The following FAM228B variants were observed in gnomAD, a reference collection of about 807,000 sequenced individuals.
The protein encoded by FAM228B is family with sequence similarity 228 member B.
FAM228B carries 38 observed loss-of-function variants against 42.6 expected under a neutral mutation model. The ratio of observed to expected loss-of-function variants is 0.89; its 90% CI spans 0.69 to 1.17. The LOEUF is 1.17. Among genes scored for constraint, FAM228B ranks in the 50% most tolerant of loss-of-function variants. The pLI is 0.00. For missense variants in FAM228B, 344 were observed against 367.3 expected (o/e 0.94, Z 0.52); for synonymous variants, 109 against 122.3 (o/e 0.89, Z 0.72).
intron 5 of FAM228B, among the ~76,000 whole-genome samples, chr2:24,145,612 A>G (rs1318561071): frequency 6.6e-6 from 1 of 152,210 alleles, no homozygotes; most frequent in African/African-American, 2.4e-5. Context: ...ACTCTCCAGC[A>G]GCAGAGTCCA....
intron 7 of FAM228B, among the ~76,000 whole-genome samples, chr2:24,157,502 C>T (rs1290920369): frequency 2.0e-5 from 3 of 152,058 alleles, no homozygotes; most frequent in Admixed American, 6.5e-5. Context: ...CTCTGGGAGG[C>T]TGAGGCGGGT....
At chr2:24,129,267 T>C (rs910326771) in intron 2 of FAM228B, among the ~76,000 whole-genome samples, 2 of 152,064 alleles carry the variant, frequency 1.3e-5, no homozygotes, top group African/African-American at 2.4e-5. Flanking sequence ...CTTTGCCTGA[T>C]GTTCGATATC....
chr2:24,143,401 A>G (rs35256248), intron 5 of FAM228B, among the ~76,000 whole-genome samples: 17,572 of 152,132 alleles, frequency 0.12, 1,159 homozygotes, highest in Non-Finnish European at 0.14. Context: ...TCATCGTGTT[A>G]GCCAGGATGG....
intron 7 of FAM228B, among the ~76,000 whole-genome samples, chr2:24,155,531 A>ATATATATTTT (rs1558393367): frequency 1.5e-4 from 2 of 13,042 alleles, no homozygotes; most frequent in Non-Finnish European, 3.2e-4. Context: ...ATATATATAT[A>ATATATATTTT]TTTTTTTTTT....
At chr2:24,156,647 A>T (rs1667153922) in intron 7 of FAM228B, among the ~76,000 whole-genome samples, 1 of 152,028 alleles carries the variant, frequency 6.6e-6, no homozygotes, top group Admixed American at 6.6e-5. Context: ...AAATAATAAA[A>T]ATAATAATAA....
chr2:24,124,446 C>CT lies in FAM228B; in HGVS notation c.88dup (p.Cys30LeufsTer8). 6.5e-7 allele frequency: 1 copy of CT among 1,549,650 alleles called. No homozygotes were observed. Among genetic ancestry groups the CT allele is most frequent in the East Asian group, 2.4e-5 (1 of 40,880 alleles). On this transcript the variant is annotated frameshift_variant, in exon 2 of 11. Transcript: ENST00000615575. LOFTEE classifies it high-confidence loss of function. Reference sequence around the variant, plus strand: ...AAAAGAATGGTTGGAGCCCAAGCCCCTTTGTTTTATGGAGGTATATATCAA... The same window carrying CT: ...AAAAGAATGGTTGGAGCCCAAGCCCCTTTTGTTTTATGGAGGTATATATCAA...
At chr2:24,164,928 G>A (rs1159594687) in intron 9 of FAM228B, among the ~76,000 whole-genome samples, 1 of 152,038 alleles carries the variant, frequency 6.6e-6, no homozygotes, top group East Asian at 1.9e-4. Context: ...GTGGACCCTG[G>A]AGTAGGCCCT....
chr2:24,104,187 G>C (rs1398303771), intron 3 of FAM228B, among the ~76,000 whole-genome samples: 1 of 152,158 alleles, frequency 6.6e-6, no homozygotes, highest in Non-Finnish European at 1.5e-5. Context: ...CAGGGTGAGT[G>C]AGTGAGAGCC....
At chr2:24,109,977 T>A (rs1665763017) in intron 3 of FAM228B, among the ~76,000 whole-genome samples, 1 of 152,108 alleles carries the variant, frequency 6.6e-6, no homozygotes, top group Admixed American at 6.5e-5. Context: ...TAAAGATACA[T>A]CCATGCATAT....
intron 2 of FAM228B, among the ~76,000 whole-genome samples, chr2:24,128,271 T>G (rs72797819): frequency 0.15 from 22,192 of 151,868 alleles, 1,955 homozygotes; most frequent in South Asian, 0.21. Flanking sequence ...GTTGTTGTTG[T>G]TGAGACGGGA....
rs931528864 is a variant in FAM228B, at chr2:24,080,338, G to C, written c.-289-538G>C. ...CCACTGCACGCCATCCTCAGTGACA[G>C]AGTGAGACTCCATCTCAAAAAAAAA... On this transcript the variant is annotated intron_variant, in intron 1 of 10. Coordinates refer to the FAM228B transcript ENST00000613899. This position sits in a 1 kb window ranked among gnomAD's most constrained non-coding sequence, Gnocchi z 4.7. 2.6e-5 allele frequency among the ~76,000 whole-genome samples: 4 copies of C among 151,034 alleles called. No homozygotes were observed. The highest frequency in any genetic ancestry group is 6.6e-5 in the Admixed American group (1 of 15,164).
chr2:24,084,628 G>T lies in FAM228B; in HGVS notation c.-210+3673G>T. 3.0e-6 allele frequency: 1 copy of T among 335,172 alleles called. No individual in the cohort carries two copies. The allele number at this position is 335,172 out of a possible 1,614,324, so 20.8% of individuals were successfully genotyped here. On this transcript the variant is annotated intron_variant, in intron 2 of 10. Coordinates refer to the FAM228B transcript ENST00000613899. The surrounding 1 kb of genome is among the most constrained non-coding windows in gnomAD (Gnocchi z 8.4). ...GGATGGCGGTACAGGGCTGGATGCG[G>T]CAGAGCAGGACAACGCCGAAGAGGA...
intron 3 of FAM228B, among the ~76,000 whole-genome samples, chr2:24,102,218 T>G (rs1013010889): frequency 4.6e-5 from 7 of 152,218 alleles, no homozygotes; most frequent in African/African-American, 1.7e-4. Flanking sequence ...CCCAATCTGT[T>G]ACTCAGTCAC....
At chr2:24,111,711 T>A (rs1472387950) in intron 3 of FAM228B, among the ~76,000 whole-genome samples, 1 of 152,134 alleles carries the variant, frequency 6.6e-6, no homozygotes, top group Non-Finnish European at 1.5e-5. Flanking sequence ...AAGAGTAACC[T>A]GCTTCTCCAG....
chr2:24,125,856 C>T (rs1454873819), intron 2 of FAM228B, among the ~76,000 whole-genome samples: 1 of 152,210 alleles, frequency 6.6e-6, no homozygotes, highest in African/African-American at 2.4e-5. Flanking sequence ...AGCCACTGCG[C>T]CCAGCCTGCT....
intron 7 of FAM228B, among the ~76,000 whole-genome samples, chr2:24,158,168 C>A (rs1242619392): frequency 7.7e-6 from 1 of 129,946 alleles, no homozygotes; most frequent in African/African-American, 3.0e-5. Flanking sequence ...GTATTCTTCA[C>A]ATATGCTGGG....
At chr2:24,120,228 C>CATTGCACTCCAG (rs1666061453), upstream of FAM228B, among the ~76,000 whole-genome samples, 1 of 151,432 alleles carries the variant, frequency 6.6e-6, no homozygotes. Flanking sequence ...GAGATCGTGC[C>CATTGCACTCCAG]ATTGCACTCC....
rs892500288 is a variant in FAM228B at position 24,124,479 on chromosome 2, G to A, written c.99+19G>A. On this transcript the variant is annotated intron_variant, in intron 2 of 10. Coordinates refer to ENST00000615575, the MANE Select transcript of FAM228B (RefSeq NM_001145710.2). ...TATGGAGGTATATATCAAATAGTGT[G>A]GGATTTGGAGATTTTTTTACTTGGA... 4.7e-6 allele frequency: 7 copies of A among 1,476,830 alleles called. No homozygotes were observed. Among genetic ancestry groups the A allele is most frequent in the Non-Finnish European group, 6.4e-6 (7 of 1,098,888 alleles). The allele number at this position is 1,476,830 out of a possible 1,614,324, so 91.5% of individuals were successfully genotyped here.
At chr2:24,104,780 C>A (rs892170039) in intron 3 of FAM228B, among the ~76,000 whole-genome samples, 2 of 151,978 alleles carry the variant, frequency 1.3e-5, no homozygotes, top group African/African-American at 2.4e-5. Context: ...TAGGAAGCAC[C>A]CAAATGGCAA....
Sources: allele counts gnomAD v4.1 joint callset (sites outside exome capture counted in the v4.1 genomes callset), GRCh38; gene constraint gnomAD v4.1.1; non-coding constraint Gnocchi (gnomAD v3.1); transcripts MANE v1.5; gene names NCBI Gene and HGNC (gene_info 2026-07-23, HGNC 2026-07-21).